The following FOXK1 variants were observed in gnomAD, a reference collection of about 807,000 sequenced individuals.
FOXK1 encodes the protein forkhead box protein K1.
FOXK1 carries 19 observed loss-of-function variants against 51.9 expected under a neutral mutation model. The ratio of observed to expected loss-of-function variants is 0.37; its 90% CI spans 0.26 to 0.54. The LOEUF (loss-of-function observed/expected upper bound fraction) is 0.54. Among genes scored for constraint, FOXK1 ranks in the 20% least tolerant of loss-of-function variants. FOXK1 has a pLI of 0.87. For missense variants in FOXK1, 870 were observed against 1,032.7 expected, an observed-to-expected ratio of 0.84 and a Z score of 2.16; for synonymous variants, 537 against 482.6, an observed-to-expected ratio of 1.11 and a Z score of -1.48.
chr7:4,740,180 C>T (rs1467293656), intron 1 of FOXK1, among the ~76,000 whole-genome samples: 1 of 152,120 alleles, frequency 6.6e-6, no homozygotes, highest in African/African-American at 2.4e-5. Context: ...CCTGTAATCC[C>T]AGCACTTTGG....
Position 4,730,576 on chromosome 7 carries a change from G to A in FOXK1, c.561-10262G>A, listed in dbSNP as rs367736580. On this transcript the variant is annotated intron_variant, in intron 1 of 8. Coordinates refer to ENST00000328914, the MANE Select transcript of FOXK1 (RefSeq NM_001037165.2). The surrounding 1 kb of genome is among the most constrained non-coding windows in gnomAD (Gnocchi z 4.7). The stretch of plus-strand genomic sequence containing the variant: ...CAGGGACCTTGCCGACCCAGCCCCC[G>A]CCCCGCCTTCAAGTTTGTGCCTTAT... Among the ~76,000 whole-genome samples the A allele has an allele frequency of 2.0e-5, 3 of 152,090 alleles. No individual in the cohort carries two copies. Among genetic ancestry groups the A allele is most frequent in the South Asian group, 4.1e-4 (2 of 4,820 alleles).
rs1444716784 is a variant in FOXK1 at position 4,730,273 on chromosome 7, C to G, written c.561-10565C>G. Among the ~76,000 whole-genome samples, 2 of 152,230 alleles carry G rather than the reference C, an allele frequency of 1.3e-5. No individual in the cohort carries two copies. The highest frequency in any genetic ancestry group is 4.8e-5 in the African/African-American group (2 of 41,464). ...CACGCACACCCCCACATTGTTGTCACTGCGAGAACGGAGGGCCCAGAGCCG... is the reference window on the plus strand; with the variant it reads ...CACGCACACCCCCACATTGTTGTCAGTGCGAGAACGGAGGGCCCAGAGCCG... On this transcript the variant is annotated intron_variant, in intron 1 of 8. Coordinates refer to ENST00000328914, the MANE Select transcript of FOXK1 (RefSeq NM_001037165.2). This position sits in a 1 kb window ranked among gnomAD's most constrained non-coding sequence, Gnocchi z 4.7.
At chr7:4,712,666 G>C (rs954003143) in intron 1 of FOXK1, among the ~76,000 whole-genome samples, 87 of 152,132 alleles carry the variant, frequency 5.7e-4, no homozygotes, top group Admixed American at 5.5e-3. Flanking sequence ...CAGCGATCAG[G>C]CTTCTCATTT....
intron 1 of FOXK1, among the ~76,000 whole-genome samples, chr7:4,732,695 G>A (rs536284642): frequency 1.3e-5 from 2 of 152,310 alleles, no homozygotes; most frequent in African/African-American, 4.8e-5. Flanking sequence ...CAGAGGCAGT[G>A]GCTTTTAAAG....
At chr7:4,725,154 C>T (rs753836092) in intron 1 of FOXK1, among the ~76,000 whole-genome samples, 8 of 152,244 alleles carry the variant, frequency 5.3e-5, no homozygotes, top group Non-Finnish European at 1.0e-4. Context: ...TTCCTGCAGG[C>T]GCGCGTTCTC....
intron 1 of FOXK1, among the ~76,000 whole-genome samples, chr7:4,721,242 G>A (rs191443446): frequency 6.6e-6 from 1 of 152,258 alleles, no homozygotes; most frequent in Non-Finnish European, 1.5e-5. Context: ...GACATCGTGG[G>A]GGCTTTGCCT....
At chr7:4,751,644 G>T (rs74501789) in intron 2 of FOXK1, among the ~76,000 whole-genome samples, 1 of 152,224 alleles carries the variant, frequency 6.6e-6, no homozygotes, top group African/African-American at 2.4e-5. Context: ...GCCCGCCTGC[G>T]GAGGACAGTT....
intron 1 of FOXK1, among the ~76,000 whole-genome samples, chr7:4,687,438 G>C (rs372308464): frequency 2.0e-5 from 3 of 151,710 alleles, no homozygotes; most frequent in East Asian, 1.9e-4. Flanking sequence ...GATTACAGGC[G>C]CACGTCACCA....
chr7:4,706,019 T>C lies in FOXK1; in HGVS notation c.560+23151T>C, dbSNP rs1173536005. Reference sequence around the variant, plus strand: ...GTATATATACGTATATATACGTATATATACGTGTATATACGTGTATATACG... The same window carrying C: ...GTATATATACGTATATATACGTATACATACGTGTATATACGTGTATATACG... On this transcript the variant is annotated intron_variant, in intron 1 of 8. Coordinates refer to ENST00000328914, the MANE Select transcript of FOXK1 (RefSeq NM_001037165.2). 3.7e-5 allele frequency among the ~76,000 whole-genome samples: 4 copies of C among 108,922 alleles called. 1 individual carries two copies. Among genetic ancestry groups the C allele is most frequent in the African/African-American group, 1.3e-4 (2 of 15,360 alleles). The allele number at this position is 108,922 out of a possible 152,430, so 71.5% of individuals were successfully genotyped here.
chr7:4,710,830 CCACTGAGAATTACA>C (rs1262734393), intron 1 of FOXK1, among the ~76,000 whole-genome samples: 1 of 152,174 alleles, frequency 6.6e-6, no homozygotes, highest in Non-Finnish European at 1.5e-5. Context: ...CCAGTTCCCA[CCACTGAGAATTACA>C]GCCATTCCAC....
At position 4,765,700 on chromosome 7, in the gene FOXK1, C is replaced by T. The variant is rs1351094785; in HGVS notation, c.*3236C>T. 1 of 152,248 alleles carries T rather than the reference C, an allele frequency of 6.6e-6. No individual in the cohort carries two copies. The highest frequency in any genetic ancestry group is 1.5e-5 in the Non-Finnish European group (1 of 68,058). The allele number at this position is 152,248 out of a possible 1,614,324, so 9.4% of individuals were successfully genotyped here. Reference sequence around the variant, plus strand: ...CTGCTTTGCCCTGTTCGGAAAGGGGCTCCCTCAGAGCCCCTGGGCCCAGTA... The same window carrying T: ...CTGCTTTGCCCTGTTCGGAAAGGGGTTCCCTCAGAGCCCCTGGGCCCAGTA... On this transcript the variant is annotated 3_prime_UTR_variant, in exon 9 of 9. Transcript: ENST00000328914.
At chr7:4,720,187 T>C (rs570411754) in intron 1 of FOXK1, among the ~76,000 whole-genome samples, 3 of 152,206 alleles carry the variant, frequency 2.0e-5, no homozygotes, top group Non-Finnish European at 4.4e-5. Context: ...TTTCTTCGGG[T>C]TCATCCTGCA....
intron 1 of FOXK1, among the ~76,000 whole-genome samples, chr7:4,684,227 A>C (rs2115025424): frequency 6.6e-6 from 1 of 152,192 alleles, no homozygotes; most frequent in African/African-American, 2.4e-5. Context: ...CTAACTCATC[A>C]CCAGTGTTTA....
chr7:4,704,766 T>C (rs140772896), intron 1 of FOXK1, among the ~76,000 whole-genome samples: 1,890 of 151,966 alleles, frequency 0.012, 10 homozygotes, highest in Non-Finnish European at 0.02. Flanking sequence ...AGAACCTCAC[T>C]GTGTTGCCCA....
rs1007306766 is a variant in FOXK1, at chr7:4,758,791, T to G, written c.1245-260T>G. On this transcript the variant is annotated intron_variant, in intron 5 of 8. Coordinates refer to ENST00000328914, the MANE Select transcript of FOXK1 (RefSeq NM_001037165.2). This position sits in a 1 kb window ranked among gnomAD's most constrained non-coding sequence, Gnocchi z 4.4. ...CTCGGTGGAAGTGAACTCCGTAGGT[T>G]GTTGCGTTCACTGCAGCACCTCACA... The G allele has an allele frequency of 4.2e-6, 2 of 475,744 alleles. No individual in the cohort carries two copies. Among genetic ancestry groups the G allele is most frequent in the South Asian group, 3.3e-5 (1 of 29,950 alleles). The allele number at this position is 475,744 out of a possible 1,614,324, so 29.5% of individuals were successfully genotyped here.
In FOXK1 at chr7:4,756,873, G is replaced by T; in HGVS notation, c.1051-121G>T. 9.4e-7 allele frequency: 1 copy of T among 1,059,838 alleles called. No homozygotes were observed. Among genetic ancestry groups the T allele is most frequent in the East Asian group, 2.5e-5 (1 of 39,934 alleles). The allele number at this position is 1,059,838 out of a possible 1,614,324, so 65.7% of individuals were successfully genotyped here. ...TGAGGCCCAGCCAGCACAGCACCAA[G>T]GGCTCTGCACAGAGGGACGGCCTCC... On this transcript the variant is annotated intron_variant, in intron 4 of 8. Coordinates refer to ENST00000328914, the MANE Select transcript of FOXK1 (RefSeq NM_001037165.2). The surrounding 1 kb of genome is among the most constrained non-coding windows in gnomAD (Gnocchi z 4.1).
chr7:4,710,684 T>C (rs1231585249), intron 1 of FOXK1, among the ~76,000 whole-genome samples: 1 of 152,116 alleles, frequency 6.6e-6, no homozygotes, highest in Non-Finnish European at 1.5e-5. Context: ...CACAAGGGCA[T>C]GTTCTTGCTT....
At chr7:4,757,988 G>A (rs1156386847) in intron 5 of FOXK1, 1 of 152,242 alleles carries the variant, frequency 6.6e-6, no homozygotes, top group East Asian at 1.9e-4. Flanking sequence ...ACTGACTGTT[G>A]TATTAAAAAT....
At chr7:4,684,277 A>G (rs140373293) in intron 1 of FOXK1, among the ~76,000 whole-genome samples, 187 of 152,282 alleles carry the variant, frequency 1.2e-3, no homozygotes, top group African/African-American at 4.2e-3. Context: ...TTGTCTGTCT[A>G]ATTACTCCCT....
Sources: allele counts gnomAD v4.1 joint callset (sites outside exome capture counted in the v4.1 genomes callset), GRCh38; gene constraint gnomAD v4.1.1; non-coding constraint Gnocchi (gnomAD v3.1); transcripts MANE v1.5; gene names NCBI Gene and HGNC (gene_info 2026-07-23, HGNC 2026-07-21).